TNRC6C: variants seen among roughly 807,000 people sequenced by gnomAD.
The protein encoded by TNRC6C is trinucleotide repeat-containing gene 6C protein.
A neutral mutation model predicts 153.7 loss-of-function variants in TNRC6C; 20 were observed. The ratio of observed to expected loss-of-function variants is 0.13; its 90% CI spans 0.09 to 0.19. The LOEUF (loss-of-function observed/expected upper bound fraction) is 0.19, where lower values mean the gene tolerates loss of function less well. TNRC6C is among the 10% of genes least tolerant of loss of function. The probability of loss-of-function intolerance (pLI) is 1.00; values close to 1 mark genes in which losing one functional copy is unlikely to be tolerated. For synonymous variants in TNRC6C, 811 were observed against 841.4 expected (o/e 0.96, Z 0.63); for missense variants, 1,987 against 2,172.0 (o/e 0.91, Z 1.69).
At chr17:78,038,439 C>T (rs1180169095) in intron 2 of TNRC6C, among the ~76,000 whole-genome samples, 1 of 151,880 alleles carries the variant, frequency 6.6e-6, no homozygotes, top group South Asian at 2.1e-4. Context: ...TTTGGGAGGC[C>T]GAGGCAGGTG....
At chr17:77,995,959 G>C (rs2143108737) in intron 1 of TNRC6C, among the ~76,000 whole-genome samples, 1 of 152,276 alleles carries the variant, frequency 6.6e-6, no homozygotes, top group Admixed American at 6.5e-5. Flanking sequence ...TGTAGTCCCA[G>C]CTACACAAGA....
intron 16 of TNRC6C, among the ~76,000 whole-genome samples, chr17:78,094,119 A>G (rs1370649030): frequency 6.6e-6 from 1 of 151,830 alleles, no homozygotes; most frequent in Non-Finnish European, 1.5e-5. Flanking sequence ...AGCTGGAATT[A>G]CAGGCATGTG....
At chr17:78,004,030 C>G, upstream of TNRC6C, 1 of 1,125,006 alleles carries the variant, frequency 8.9e-7, no homozygotes, top group Non-Finnish European at 1.1e-6. Flanking sequence ...GGGAAGTGTC[C>G]CTTTCTAGCA....
chr17:77,981,423 A>G (rs2071075945), intron 1 of TNRC6C, among the ~76,000 whole-genome samples: 1 of 152,216 alleles, frequency 6.6e-6, no homozygotes, highest in South Asian at 2.1e-4. Flanking sequence ...CCTGAAGCTA[A>G]CAAGAGGCTG....
chr17:78,108,774 C>G (rs1380016782), exon 20 of TNRC6C: 2 of 152,498 alleles, frequency 1.3e-5, no homozygotes, highest in Admixed American at 6.5e-5. Context: ...TCACCTGCAT[C>G]TGTGGATATA....
intron 2 of TNRC6C, among the ~76,000 whole-genome samples, chr17:78,033,598 C>T (rs374373797): frequency 9.4e-4 from 142 of 151,324 alleles, no homozygotes; most frequent in African/African-American, 3.2e-3. Context: ...GAACCTGGGA[C>T]GTGGAGGTTG....
chr17:78,021,488 G>A (rs1382236533), intron 1 of TNRC6C, among the ~76,000 whole-genome samples: 1 of 152,196 alleles, frequency 6.6e-6, no homozygotes, highest in Non-Finnish European at 1.5e-5. Context: ...GTTTCTTCTT[G>A]ATAAATAGCA....
intron 1 of TNRC6C, among the ~76,000 whole-genome samples, chr17:78,009,284 TA>T (rs2071579250): frequency 6.6e-6 from 1 of 152,186 alleles, no homozygotes; most frequent in Non-Finnish European, 1.5e-5. Context: ...GCACAGGTAA[TA>T]ATAGCTTTAT....
intron 1 of TNRC6C, among the ~76,000 whole-genome samples, chr17:77,959,551 T>G (rs2070843591): frequency 6.6e-6 from 1 of 152,110 alleles, no homozygotes; most frequent in Non-Finnish European, 1.5e-5. Context: ...CCCCTCCCTT[T>G]TAAAACTCAT....
Position 78,075,438 on chromosome 17 carries a change from G to C in TNRC6C, c.3060+160G>C. On this transcript the variant is annotated intron_variant, in intron 8 of 19. Coordinates refer to ENST00000301624, the Ensembl canonical transcript of TNRC6C. The surrounding 1 kb of genome is among the most constrained non-coding windows in gnomAD (Gnocchi z 4.2). ...TAACATTATGAACATTTAACTCAAA[G>C]AAGGGAATGTCGTATTTCATAAGAT... 1.2e-6 allele frequency: 1 copy of C among 814,690 alleles called. No homozygotes were observed. Among genetic ancestry groups the C allele is most frequent in the Non-Finnish European group, 1.9e-6 (1 of 536,966 alleles). The allele number at this position is 814,690 out of a possible 1,614,324, so 50.5% of individuals were successfully genotyped here.
Position 78,075,396 on chromosome 17 carries a change from T to C in TNRC6C, c.3060+118T>C. ...TGCTGGACTATAATACTTAAGTGACTTTTATCCATTTTTTTCTAACATTAT... is the reference window on the plus strand; with the variant it reads ...TGCTGGACTATAATACTTAAGTGACCTTTATCCATTTTTTTCTAACATTAT... On this transcript the variant is annotated intron_variant, in intron 8 of 19. Coordinates refer to ENST00000301624, the Ensembl canonical transcript of TNRC6C. This position sits in a 1 kb window ranked among gnomAD's most constrained non-coding sequence, Gnocchi z 4.2. The C allele has an allele frequency of 1.7e-6, 2 of 1,200,866 alleles. No homozygotes were observed. The highest frequency in any genetic ancestry group is 2.3e-6 in the Non-Finnish European group (2 of 880,692). The allele number at this position is 1,200,866 out of a possible 1,614,324, so 74.4% of individuals were successfully genotyped here.
intron 2 of TNRC6C, among the ~76,000 whole-genome samples, chr17:78,042,197 A>T (rs533356450): frequency 6.6e-6 from 1 of 152,352 alleles, no homozygotes; most frequent in South Asian, 2.1e-4. Context: ...TAAACCACTT[A>T]ACAGCAGAAG....
intron 1 of TNRC6C, among the ~76,000 whole-genome samples, chr17:77,991,306 T>C (rs1027241374): frequency 2.0e-5 from 3 of 152,228 alleles, no homozygotes; most frequent in Non-Finnish European, 4.4e-5. Flanking sequence ...CTGTTTTGTT[T>C]TAGAAAAATT....
chr17:78,091,507 A>G, exon 14 of TNRC6C: 13 of 1,610,318 alleles, frequency 8.1e-6, no homozygotes, highest in Non-Finnish European at 1.1e-5. Flanking sequence ...TGAAGGACCC[A>G]TCCCAGTCCC....
intron 1 of TNRC6C, among the ~76,000 whole-genome samples, chr17:77,959,729 C>T (rs1324214542): frequency 1.3e-5 from 2 of 152,066 alleles, no homozygotes; most frequent in South Asian, 4.1e-4. Flanking sequence ...CCTGGGCGCT[C>T]TGCGGCTCTG....
intron 2 of TNRC6C, among the ~76,000 whole-genome samples, chr17:78,037,742 T>G (rs995016265): frequency 1.3e-5 from 2 of 152,220 alleles, no homozygotes; most frequent in Non-Finnish European, 2.9e-5. Flanking sequence ...AAAGCTTCTT[T>G]TGGTAATAGA....
At chr17:77,960,383 A>T (rs1281277922) in intron 1 of TNRC6C, among the ~76,000 whole-genome samples, 1 of 152,220 alleles carries the variant, frequency 6.6e-6, no homozygotes, top group African/African-American at 2.4e-5. Context: ...TACTTCGGCC[A>T]GTACAAGGTA....
chr17:77,962,081 A>G (rs979128184), intron 1 of TNRC6C, among the ~76,000 whole-genome samples: 11 of 152,140 alleles, frequency 7.2e-5, no homozygotes, highest in South Asian at 4.2e-4. Flanking sequence ...TCCAACCCCA[A>G]TTGAAGGGGA....
At chr17:77,971,132 T>C (rs1396881948) in intron 1 of TNRC6C, among the ~76,000 whole-genome samples, 1 of 152,256 alleles carries the variant, frequency 6.6e-6, no homozygotes, top group Non-Finnish European at 1.5e-5. Flanking sequence ...ATCCATATTG[T>C]AAAATGTCTA....
Sources: allele counts gnomAD v4.1 joint callset (sites outside exome capture counted in the v4.1 genomes callset), GRCh38; gene constraint gnomAD v4.1.1; non-coding constraint Gnocchi (gnomAD v3.1); transcripts MANE v1.5; gene names NCBI Gene and HGNC (gene_info 2026-07-23, HGNC 2026-07-21).